The following CERKL variants were observed in gnomAD, a reference collection of about 807,000 sequenced individuals.
CERKL encodes ceramide kinase-like protein.
A neutral mutation model predicts 63.4 loss-of-function variants in CERKL; 61 were observed. That is an observed-to-expected ratio of 0.96 (90% CI 0.78 to 1.19). The LOEUF (loss-of-function observed/expected upper bound fraction) is 1.19. Among genes scored for constraint, CERKL ranks in the 50% most tolerant of loss-of-function variants. CERKL has a pLI of 0.00. For synonymous variants in CERKL, 250 were observed against 230.5 expected (o/e 1.08, Z -0.77); for missense variants, 675 against 655.5 (o/e 1.03, Z -0.33).
At position 181,596,849 on chromosome 2, in the gene CERKL, T is replaced by C. The variant is rs114545277; in HGVS notation, c.481+6988A>G. On this transcript the variant is annotated intron_variant, in intron 2 of 12. Coordinates refer to ENST00000410087, the MANE Select transcript of CERKL (RefSeq NM_201548.5). ...CATGCCTGGAACCCACTGAGACTTATTTTATCAGAACCTCTCAATCCTCGG... is the reference window on the plus strand; with the variant it reads ...CATGCCTGGAACCCACTGAGACTTACTTTATCAGAACCTCTCAATCCTCGG... Among the ~76,000 whole-genome samples the C allele has an allele frequency of 7.0e-3, 1,063 of 152,302 alleles. 17 individuals are homozygous for C. The highest frequency in any genetic ancestry group is 0.024 in the African/African-American group (1,010 of 41,570).
rs536387008 is a variant in CERKL at position 181,604,762 on chromosome 2, G to A, written c.239-683C>T. On this transcript the variant is annotated intron_variant, in intron 1 of 12. Transcript: ENST00000410087. ...ATACATTCCCATTAAAGTAACACAT[G>A]CAAAGAGGAAGCAGAAGTACAATTA... is the stretch of plus-strand genomic sequence containing the variant. Among the ~76,000 whole-genome samples the A allele has an allele frequency of 9.9e-5, 15 of 152,228 alleles. No individual in the cohort carries two copies. In the South Asian group the frequency reaches 2.9e-3, roughly 29 times the overall value.
intron 2 of CERKL, among the ~76,000 whole-genome samples, chr2:181,590,788 G>C (rs911453519): frequency 1.9e-4 from 29 of 152,158 alleles, no homozygotes; most frequent in Non-Finnish European, 2.8e-4. Context: ...ATCTGTTGGT[G>C]AGGCTTTGAA....
At chr2:181,547,220 A>C (rs1340693731) in intron 10 of CERKL, among the ~76,000 whole-genome samples, 1 of 152,192 alleles carries the variant, frequency 6.6e-6, no homozygotes, top group African/African-American at 2.4e-5. Flanking sequence ...AGACTAATAC[A>C]GTATCAAATA....
intron 1 of CERKL, among the ~76,000 whole-genome samples, chr2:181,638,051 T>G (rs1008385615): frequency 1.3e-5 from 2 of 152,152 alleles, no homozygotes; most frequent in African/African-American, 4.8e-5. Flanking sequence ...TAGTTAGGAA[T>G]CAGGACTTTA....
chr2:181,570,289 C>T (rs1325582815), intron 3 of CERKL, among the ~76,000 whole-genome samples: 2 of 152,140 alleles, frequency 1.3e-5, no homozygotes, highest in Non-Finnish European at 2.9e-5. Flanking sequence ...CTGTGCTCCA[C>T]CCACAAGGAG....
rs995740643 is a variant in CERKL at position 181,576,164 on chromosome 2, A to G, written c.482-2280T>C. Among the ~76,000 whole-genome samples, 40 of 152,354 alleles carry G rather than the reference A, an allele frequency of 2.6e-4. 1 individual carries two copies. The highest frequency in any genetic ancestry group is 8.7e-4 in the African/African-American group (36 of 41,588). ...AGATGAGAAGGGAACATTCTGTTCT[A>G]TAGGATAATATTAAGGTAATTAATA... On this transcript the variant is annotated intron_variant, in intron 2 of 12. Coordinates refer to ENST00000410087, the MANE Select transcript of CERKL (RefSeq NM_201548.5).
Position 181,537,290 on chromosome 2 carries a change from A to ATATT in CERKL, c.*890_*893dup, listed in dbSNP as rs1574421721. On this transcript the variant is annotated 3_prime_UTR_variant, in exon 13 of 13. Coordinates refer to ENST00000410087, the MANE Select transcript of CERKL (RefSeq NM_201548.5). The stretch of plus-strand genomic sequence containing the variant: ...CTCAGAACTACTCAGAAACAACTAT[A>ATATT]TATTTCAGGTTATCTGAGCACAGTG... The ATATT allele has an allele frequency of 4.4e-6, 2 of 453,598 alleles. No homozygotes were observed. Among genetic ancestry groups the ATATT allele is most frequent in the South Asian group, 1.6e-5 (1 of 64,468 alleles). 28.1% of individuals were successfully genotyped at this position (453,598 alleles called of 1,614,324 possible).
rs1336113709 is a variant in CERKL, at chr2:181,591,486, G to A, written c.481+12351C>T. ...GAAAAAGCTAACCCAAATAATTTTT[G>A]AACACAATACTTGAAATATATACTT... is the stretch of plus-strand genomic sequence containing the variant. On this transcript the variant is annotated intron_variant, in intron 2 of 12. Coordinates refer to ENST00000410087, the MANE Select transcript of CERKL (RefSeq NM_201548.5). 2.0e-5 allele frequency among the ~76,000 whole-genome samples: 3 copies of A among 151,922 alleles called. No individual in the cohort carries two copies. The East Asian group carries it at 5.8e-4, about 29-fold the overall frequency.
chr2:181,635,816 CCA>C (rs986113966), intron 1 of CERKL, among the ~76,000 whole-genome samples: 8 of 152,080 alleles, frequency 5.3e-5, no homozygotes, highest in African/African-American at 1.9e-4. Flanking sequence ...CAGCTATTTT[CCA>C]CAGATAAAAA....
chr2:181,551,132 G>A (rs1687969011), intron 5 of CERKL, among the ~76,000 whole-genome samples: 2 of 151,972 alleles, frequency 1.3e-5, no homozygotes, highest in African/African-American at 4.8e-5. Flanking sequence ...GAAATAAAAG[G>A]CTTGCAAATC....
chr2:181,574,690 T>C (rs1197161045), intron 2 of CERKL, among the ~76,000 whole-genome samples: 1 of 152,132 alleles, frequency 6.6e-6, no homozygotes, highest in African/African-American at 2.4e-5. Flanking sequence ...CAACCGTTTC[T>C]TTTACGGTAA....
chr2:181,548,957 T>A, intron 6 of CERKL, 100 bp from the exon 7 acceptor site: 1 of 1,037,458 alleles, frequency 9.6e-7, no homozygotes, highest in Non-Finnish European at 1.5e-6. Flanking sequence ...GGAGAATATC[T>A]AAAGGTACTG....
At chr2:181,551,026 A>G (rs542815109) in intron 5 of CERKL, among the ~76,000 whole-genome samples, 2 of 152,142 alleles carry the variant, frequency 1.3e-5, no homozygotes, top group Non-Finnish European at 2.9e-5. Flanking sequence ...GTTGAGAAAC[A>G]ATGTCTTGTT....
chr2:181,543,290 T>G (rs185112178), intron 11 of CERKL, among the ~76,000 whole-genome samples: 268 of 152,294 alleles, frequency 1.8e-3, no homozygotes, highest in Middle Eastern at 3.4e-3. Context: ...GTTTAGAAAT[T>G]TATTAAAATG....
intron 1 of CERKL, among the ~76,000 whole-genome samples, chr2:181,606,600 A>C (rs1685731019): frequency 6.9e-6 from 1 of 144,844 alleles, no homozygotes. Flanking sequence ...AGGGAACGGA[A>C]AGGCCTTTTT....
chr2:181,538,560 A>G (rs564791316), intron 12 of CERKL, among the ~76,000 whole-genome samples: 36 of 152,286 alleles, frequency 2.4e-4, no homozygotes, highest in African/African-American at 8.7e-4. Flanking sequence ...GAGTGTCACA[A>G]TGCCTACCAA....
intron 4 of CERKL, among the ~76,000 whole-genome samples, chr2:181,560,291 A>C (rs1345361522): frequency 2.6e-5 from 4 of 152,174 alleles, no homozygotes; most frequent in Admixed American, 2.6e-4. Flanking sequence ...ATTTAGCACC[A>C]AATAACTTGA....
At position 181,536,733 on chromosome 2, in the gene CERKL, T is replaced by A. The variant is rs1417915217; in HGVS notation, c.*1451A>T. On this transcript the variant is annotated 3_prime_UTR_variant, in exon 13 of 13. Coordinates refer to ENST00000410087, the MANE Select transcript of CERKL (RefSeq NM_201548.5). ...ATACTATATGAGGTTCTATTTTAAA[T>A]GACTTTCTGGATTTTAAAAAATTTC... The A allele has an allele frequency of 1.2e-5, 3 of 247,380 alleles. No homozygotes were observed. Among genetic ancestry groups the A allele is most frequent in the Non-Finnish European group, 2.4e-5 (3 of 123,414 alleles). The allele number at this position is 247,380 out of a possible 1,614,324, so 15.3% of individuals were successfully genotyped here. A position where few individuals can be genotyped will look rare whatever the true frequency, so the allele number is the denominator to read the frequency against.
At chr2:181,611,240 A>G (rs746011147) in intron 1 of CERKL, among the ~76,000 whole-genome samples, 5 of 151,874 alleles carry the variant, frequency 3.3e-5, no homozygotes, top group Non-Finnish European at 5.9e-5. Context: ...TAATAATAAT[A>G]AATAAAAATA....
Sources: allele counts gnomAD v4.1 joint callset (sites outside exome capture counted in the v4.1 genomes callset), GRCh38; gene constraint gnomAD v4.1.1; transcripts MANE v1.5; gene names NCBI Gene and HGNC (gene_info 2026-07-23, HGNC 2026-07-21).